Variants in WARS1 observed in about 807,000 individuals in gnomAD.
The protein encoded by WARS1 is tryptophanyl-tRNA synthetase 1, also known as tryptophan--tRNA ligase, cytoplasmic.
A neutral mutation model predicts 47.8 loss-of-function variants in WARS1; 17 were observed. The observed-to-expected ratio is 0.36, with a 90% confidence interval of 0.24 to 0.53. WARS1 has a LOEUF of 0.53. WARS1 is among the 20% of genes least tolerant of loss of function. WARS1 has a pLI of 0.91. For synonymous variants in WARS1, 208 were observed against 228.1 expected (o/e 0.91, Z 0.79); for missense variants, 434 against 608.0 (o/e 0.71, Z 3.01).
At chr14:100,366,133 C>T in intron 2 of WARS1, 1 of 455,888 alleles carries the variant, frequency 2.2e-6, no homozygotes, top group Non-Finnish European at 4.4e-6. Flanking sequence ...GGGCAGTCTG[C>T]ACAGTTGGGG....
intron 6 of WARS1, among the ~76,000 whole-genome samples, chr14:100,352,125 T>TG (rs1205430605): frequency 2.1e-5 from 3 of 139,896 alleles, no homozygotes; most frequent in Non-Finnish European, 4.7e-5. Context: ...TTTTTTTTTT[T>TG]TTTTGAGACA....
chr14:100,361,482 C>G (rs1895658490), intron 3 of WARS1, among the ~76,000 whole-genome samples: 1 of 152,178 alleles, frequency 6.6e-6, no homozygotes, highest in African/African-American at 2.4e-5. Context: ...AAGCTGTCTA[C>G]TATAGATCAT....
chr14:100,339,038 G>C (rs960432335), intron 9 of WARS1, among the ~76,000 whole-genome samples: 2 of 151,510 alleles, frequency 1.3e-5, no homozygotes, highest in African/African-American at 2.4e-5. Context: ...CCCGGGAGGC[G>C]GAGGTTGTGG....
At chr14:100,366,396 C>T (rs1427643189) in intron 2 of WARS1, among the ~76,000 whole-genome samples, 1 of 152,172 alleles carries the variant, frequency 6.6e-6, no homozygotes, top group East Asian at 1.9e-4. Flanking sequence ...TAAGCTCTTC[C>T]CCAATGAAGA....
At chr14:100,350,938 AG>A (rs1894941623) in intron 6 of WARS1, among the ~76,000 whole-genome samples, 1 of 152,140 alleles carries the variant, frequency 6.6e-6, no homozygotes, top group Non-Finnish European at 1.5e-5. Flanking sequence ...TGGGGGTGGC[AG>A]GGTCAGGAGA....
intron 2 of WARS1, chr14:100,366,498 C>G (rs961558384): frequency 1.1e-4 from 48 of 436,392 alleles, no homozygotes; most frequent in African/African-American, 2.0e-5. Context: ...ATATGAAAGG[C>G]AGGTAGAAAA....
chr14:100,337,726 C>A (rs536999745), intron 9 of WARS1, among the ~76,000 whole-genome samples: 1 of 149,262 alleles, frequency 6.7e-6, no homozygotes, highest in African/African-American at 2.5e-5. Context: ...GGTGTGGTGA[C>A]GTGCGCCTGT....
chr14:100,356,396 TGTG>T (rs981159258), intron 4 of WARS1, among the ~76,000 whole-genome samples: 9 of 98,888 alleles, frequency 9.1e-5, no homozygotes, highest in East Asian at 5.6e-4. Context: ...TGTGTGTGTG[TGTG>T]GGGGGGGGTG....
Position 100,368,156 on chromosome 14 carries a change from T to C in WARS1, c.99+931A>G, listed in dbSNP as rs78219523. ...AACTTGATAGACTAGTTGATGTGTG[T>C]TGAAAGGAGATTCACTGGACAGGGA... On this transcript the variant is annotated intron_variant, in intron 2 of 10. Transcript: ENST00000392882. 6.8e-3 allele frequency among the ~76,000 whole-genome samples: 1,032 copies of C among 152,258 alleles called. 4 individuals carry two copies. Among genetic ancestry groups the C allele is most frequent in the Non-Finnish European group, 0.012 (796 of 68,004 alleles).
At chr14:100,354,262 C>G in intron 5 of WARS1, 185 bp downstream of exon 5, 1 of 771,756 alleles carries the variant, frequency 1.3e-6, no homozygotes, top group Non-Finnish European at 2.0e-6. Flanking sequence ...CTCTCCCCAT[C>G]ACTCCATGGT....
chr14:100,353,923 G>A (rs953484335), intron 5 of WARS1, 54 bp from the exon 6 acceptor site: 14 of 1,519,708 alleles, frequency 9.2e-6, no homozygotes, highest in Middle Eastern at 2.2e-4. Context: ...GTGGAGGAAC[G>A]CCATCGTGCA....
upstream of WARS1, chr14:100,376,257 T>C (rs1178346826): frequency 3.4e-6 from 2 of 587,142 alleles, no homozygotes; most frequent in Non-Finnish European, 4.9e-6. Context: ...TCCCCTCGCT[T>C]ACCCTGCCCA....
At chr14:100,336,075 AC>A (rs1177351071) in intron 10 of WARS1, among the ~76,000 whole-genome samples, 2 of 151,788 alleles carry the variant, frequency 1.3e-5, no homozygotes, top group Non-Finnish European at 2.9e-5. Context: ...GGAGGTCGAG[AC>A]CATCTTGAAT....
intron 2 of WARS1, 141 bp from the exon 3 acceptor site, chr14:100,362,062 T>C (rs1002340072): frequency 6.1e-6 from 5 of 816,088 alleles, no homozygotes; most frequent in South Asian, 3.4e-5. Context: ...AAGGCAGGTA[T>C]TGTTGTCACT....
intron 1 of WARS1, among the ~76,000 whole-genome samples, chr14:100,371,447 C>CAAAAAAAAAAAGAAAAAAAAAAAAA (rs1896340869): frequency 1.1e-5 from 1 of 89,102 alleles, no homozygotes; most frequent in Non-Finnish European, 2.9e-5. Flanking sequence ...GGTTCTGTCT[C>CAAAAAAAAAAAGAAAAAAAAAAAAA]AAAAAAAAAA....
At chr14:100,375,157 T>C (rs1225647785) in intron 1 of WARS1, 126 bp downstream of exon 1, 1 of 152,192 alleles carries the variant, frequency 6.6e-6, no homozygotes, top group Non-Finnish European at 1.5e-5. Flanking sequence ...TTTGGGTCAA[T>C]GGAAGAAGTA....
intron 9 of WARS1, among the ~76,000 whole-genome samples, chr14:100,339,547 T>C (rs917784669): frequency 7.4e-5 from 9 of 122,290 alleles, no homozygotes; most frequent in South Asian, 5.5e-4. Context: ...GCCGAGATTG[T>C]GCCACTGCAC....
chr14:100,336,993 C>G (rs1165558590), intron 10 of WARS1, 69 bp downstream of exon 10: 6 of 1,571,114 alleles, frequency 3.8e-6, no homozygotes, highest in Non-Finnish European at 5.2e-6. Flanking sequence ...GCTGTTGGAG[C>G]CTTCCAGGCC....
Position 100,360,578 on chromosome 14 carries a change from C to T in WARS1, c.398G>A (p.Arg133His), listed in dbSNP as rs925136221. 31 of 1,613,426 alleles carry T rather than the reference C, an allele frequency of 1.9e-5. No homozygotes were observed. Among genetic ancestry groups the T allele is most frequent in the African/African-American group, 2.7e-5 (2 of 74,916 alleles). The change falls in exon 4 of 11, where the codon CGC (arginine) becomes CAC (histidine). Residue 133 changes from arginine to histidine, a missense_variant. Physicochemically the swap from Arg to His is conservative, Grantham distance 29. Transcript: ENST00000392882. The stretch of plus-strand genomic sequence containing the variant: ...CCTGTGTGAGAAGAAGATGCCTCTG[C>T]GCAGGAAGTGGTGTGGTCTTTGGCC... ...ATGQRPHHFL[R>H]RGIFFSHRDM...
Sources: allele counts gnomAD v4.1 joint callset (sites outside exome capture counted in the v4.1 genomes callset), GRCh38; gene constraint gnomAD v4.1.1; transcripts MANE v1.5; gene names NCBI Gene and HGNC (gene_info 2026-07-23, HGNC 2026-07-21).